Variants in POLDIP3 observed in about 807,000 individuals in gnomAD.
POLDIP3 encodes polymerase delta-interacting protein 3.
In POLDIP3, 14 loss-of-function variants were observed where a neutral mutation model predicts 45.1. The observed-to-expected ratio is 0.31, with a 90% CI of 0.20 to 0.49. The LOEUF is 0.49. Ranked by LOEUF, POLDIP3 falls within the 20% of genes least tolerant of loss-of-function variation. POLDIP3 has a pLI of 0.99. For synonymous variants in POLDIP3, 223 were observed against 205.2 expected (o/e 1.09, Z -0.74); for missense variants, 511 against 538.8 (o/e 0.95, Z 0.51).
chr22:42,599,659 G>T (rs747983387), intron 4 of POLDIP3, 39 bp downstream of exon 4: 4 of 1,444,460 alleles, frequency 2.8e-6, no homozygotes, highest in Admixed American at 3.4e-5. Flanking sequence ...CCACCTGCCT[G>T]ATCAGACACG....
chr22:42,609,071 T>C (rs1926956010), intron 1 of POLDIP3, among the ~76,000 whole-genome samples: 1 of 152,138 alleles, frequency 6.6e-6, no homozygotes, highest in African/African-American at 2.4e-5. Context: ...GGTAGGTCTC[T>C]AAAACACAGA....
At chr22:42,608,746 A>G (rs1316493938) in intron 1 of POLDIP3, among the ~76,000 whole-genome samples, 1 of 152,018 alleles carries the variant, frequency 6.6e-6, no homozygotes, top group Non-Finnish European at 1.5e-5. Context: ...TTGTGCTGGC[A>G]TTTTTATCTA....
At position 42,602,001 on chromosome 22, in the gene POLDIP3, A is replaced by T. The variant is rs151088327; in HGVS notation, c.506T>A (p.Ile169Asn). 1 of 1,614,082 alleles carries T rather than the reference A, an allele frequency of 6.2e-7. No homozygotes were observed. The change falls in exon 3 of 9, where the codon ATC becomes AAC. Residue 169 changes from isoleucine (I) to asparagine (N), a missense_variant. By Grantham distance (149) the Ile-to-Asn change is moderately radical (BLOSUM62 -3). Around this residue, in one of 4 missense-constraint regions of POLDIP3, gnomAD observed 378 missense variants for 352.3 expected, o/e 1.07. Transcript: ENST00000252115. ...PLHPHPAGMR[I>N]NVVNNHQAKQ... ...GGCCTGGTGGTTATTGACAACATTG[A>T]TTCTCATTCCGGCAGGATGGGGATG...
chr22:42,586,471 G>A (rs1250587592), intron 8 of POLDIP3, among the ~76,000 whole-genome samples: 1 of 152,130 alleles, frequency 6.6e-6, no homozygotes, highest in African/African-American at 2.4e-5. Flanking sequence ...GGGACTATAG[G>A]TGCATGCCAC....
In POLDIP3 at chr22:42,585,863, G is replaced by A; in HGVS notation, c.1194C>T (p.Ile398=). ...CTGAGGACTTGAAGAGTGCCTTCAG[G>A]ATGGTGTCAGGGTCCACTTCGGCAG... ...NPPAEVDPDT[I]LKALFKSSGA... is the part of the protein sequence containing the mutation. Residue 398 remains isoleucine (I), a synonymous_variant, in exon 9 of 9, where the codon ATC becomes ATT. Coordinates refer to ENST00000252115, the MANE Select transcript of POLDIP3 (RefSeq NM_032311.5). 1 of 1,613,338 alleles carries A rather than the reference G, an allele frequency of 6.2e-7. No homozygotes were observed. Among genetic ancestry groups the A allele is most frequent in the Non-Finnish European group, 8.5e-7 (1 of 1,179,988 alleles).
At chr22:42,610,735 T>G (rs1344427934) in intron 1 of POLDIP3, among the ~76,000 whole-genome samples, 1 of 152,132 alleles carries the variant, frequency 6.6e-6, no homozygotes, top group Non-Finnish European at 1.5e-5. Flanking sequence ...AGACCTTGTC[T>G]CTACAGAAAA....
chr22:42,601,738 C>T (rs926876331), intron 3 of POLDIP3, among the ~76,000 whole-genome samples: 6 of 152,052 alleles, frequency 3.9e-5, no homozygotes, highest in Admixed American at 2.0e-4. Context: ...TCCAGCCTAG[C>T]GACAGAGCGA....
chr22:42,592,129 C>G (rs753953987), intron 6 of POLDIP3, 45 bp from the exon 7 acceptor site: 2 of 1,611,344 alleles, frequency 1.2e-6, no homozygotes, highest in African/African-American at 2.7e-5. Context: ...GATTTCTCAG[C>G]ACCTGCCGCT....
At chr22:42,595,698 G>A in intron 5 of POLDIP3, 84 bp from the exon 6 acceptor site, 2 of 1,263,928 alleles carry the variant, frequency 1.6e-6, no homozygotes, top group Non-Finnish European at 2.3e-6. Flanking sequence ...CACGTGACTA[G>A]GAAGGCCCAG....
intron 7 of POLDIP3, among the ~76,000 whole-genome samples, chr22:42,587,823 T>A (rs1925409807): frequency 6.6e-6 from 1 of 152,150 alleles, no homozygotes; most frequent in South Asian, 2.1e-4. Context: ...CAGGAAGAGA[T>A]GAGTGGGAAG....
chr22:42,610,114 C>T (rs553600452), intron 1 of POLDIP3, among the ~76,000 whole-genome samples: 227 of 152,086 alleles, frequency 1.5e-3, no homozygotes, highest in Non-Finnish European at 2.5e-3. Context: ...GTGGAGGTTT[C>T]GGTGAGCTGA....
intron 1 of POLDIP3, among the ~76,000 whole-genome samples, chr22:42,613,132 C>G (rs530707855): frequency 5.9e-5 from 9 of 152,290 alleles, no homozygotes; most frequent in Non-Finnish European, 1.2e-4. Flanking sequence ...GGAGTGACCT[C>G]AGAGAGAGAA....
intron 8 of POLDIP3, among the ~76,000 whole-genome samples, chr22:42,586,389 G>A (rs770141124): frequency 1.3e-5 from 2 of 152,054 alleles, no homozygotes; most frequent in Non-Finnish European, 2.9e-5. Flanking sequence ...AAGTGCAGTG[G>A]CATGATGATG....
intron 1 of POLDIP3, among the ~76,000 whole-genome samples, chr22:42,612,733 G>A (rs1190627774): frequency 2.6e-5 from 4 of 152,186 alleles, no homozygotes; most frequent in African/African-American, 9.7e-5. Flanking sequence ...GGCTGAGACA[G>A]GAGAATCACT....
chr22:42,612,837 CA>C (rs936240706), intron 1 of POLDIP3, among the ~76,000 whole-genome samples: 2 of 151,508 alleles, frequency 1.3e-5, no homozygotes, highest in Admixed American at 6.6e-5. Flanking sequence ...AAAAAACAAA[CA>C]AAAAAAACCC....
chr22:42,614,728 C>T (rs924290803), intron 1 of POLDIP3, 71 bp downstream of exon 1: 3 of 1,540,688 alleles, frequency 1.9e-6, no homozygotes, highest in African/African-American at 2.7e-5. Context: ...GCTCCCGGAT[C>T]GCTACCTCCC....
At chr22:42,595,722 G>T in intron 5 of POLDIP3, 108 bp from the exon 6 acceptor site, 1 of 983,314 alleles carries the variant, frequency 1.0e-6, no homozygotes, top group Non-Finnish European at 1.6e-6. Flanking sequence ...AAAGCTCCAT[G>T]GAGAGTTACC....
chr22:42,599,261 C>T (rs1020366063), intron 4 of POLDIP3, among the ~76,000 whole-genome samples: 1 of 152,356 alleles, frequency 6.6e-6, no homozygotes, highest in Non-Finnish European at 1.5e-5. Flanking sequence ...GGACTAGTTC[C>T]AGCTCTGAAA....
intron 4 of POLDIP3, among the ~76,000 whole-genome samples, chr22:42,598,208 G>A (rs1006923776): frequency 3.4e-5 from 5 of 148,792 alleles, no homozygotes; most frequent in Non-Finnish European, 7.4e-5. Flanking sequence ...TCAGCCTCCC[G>A]AGTAGCTGGG....
Sources: gnomAD v4.1 joint callset for allele counts (sites outside exome capture counted in the v4.1 genomes callset) on GRCh38, gnomAD v4.1.1 for gene constraint, gnomAD v4.1.1 regional missense constraint, MANE v1.5 for transcripts, NCBI Gene and HGNC (gene_info 2026-07-23, HGNC 2026-07-21) for gene names.